Variants in TEKT5 observed in about 807,000 individuals in gnomAD.
TEKT5 encodes the protein tektin 5.
In TEKT5, 52 loss-of-function variants were observed where a neutral mutation model predicts 48.7. The ratio of observed to expected loss-of-function variants is 1.07; its 90% CI spans 0.86 to 1.35. The LOEUF (loss-of-function observed/expected upper bound fraction) is 1.35, where lower values mean the gene tolerates loss of function less well. Among genes scored for constraint, TEKT5 ranks in the 40% most tolerant of loss-of-function variants. TEKT5 has a pLI of 0.00. For synonymous variants in TEKT5, 318 were observed against 267.6 expected, an observed-to-expected ratio of 1.19 and a Z score of -1.84; for missense variants, 831 against 641.6, an observed-to-expected ratio of 1.30 and a Z score of -3.19.
intron 5 of TEKT5, among the ~76,000 whole-genome samples, chr16:10,660,090 A>T (rs1898336414): frequency 6.6e-6 from 1 of 152,176 alleles, no homozygotes; most frequent in African/African-American, 2.4e-5. Context: ...ACATTCTGAG[A>T]CATTAGGCAA....
intron 6 of TEKT5, among the ~76,000 whole-genome samples, chr16:10,631,352 TG>T (rs1223322576): frequency 1.4e-4 from 1 of 7,122 alleles, no homozygotes; most frequent in Non-Finnish European, 2.6e-4. Flanking sequence ...AGCCATGGGG[TG>T]GGGGCGGGGG....
At position 10,638,225 on chromosome 16, in the gene TEKT5, C is replaced by T. The variant is rs76340258; in HGVS notation, c.1087-2307G>A. 6.9e-3 allele frequency among the ~76,000 whole-genome samples: 1,058 copies of T among 152,294 alleles called. 14 individuals carry two copies. Among genetic ancestry groups the T allele is most frequent in the African/African-American group, 0.025 (1,023 of 41,542 alleles). On this transcript the variant is annotated intron_variant, in intron 5 of 6. Coordinates refer to ENST00000283025, the MANE Select transcript of TEKT5 (RefSeq NM_144674.2). ...GGCTCAAAAGCCTATGCATTTATTC[C>T]AGAAGGAAGCTGTCCTTGCACTTGG...
chr16:10,667,591 A>G (rs1207680971), intron 5 of TEKT5, among the ~76,000 whole-genome samples: 1 of 152,198 alleles, frequency 6.6e-6, no homozygotes, highest in African/African-American at 2.4e-5. Flanking sequence ...TGCCCAATTC[A>G]CGAATCATTC....
intron 5 of TEKT5, among the ~76,000 whole-genome samples, chr16:10,661,057 T>C (rs1111488): frequency 6.6e-6 from 1 of 152,108 alleles, no homozygotes; most frequent in Non-Finnish European, 1.5e-5. Flanking sequence ...AGTCTCAATA[T>C]ACAGCTTTAT....
intron 4 of TEKT5, among the ~76,000 whole-genome samples, chr16:10,680,549 C>A (rs1430630085): frequency 6.6e-6 from 1 of 151,844 alleles, no homozygotes; most frequent in Non-Finnish European, 1.5e-5. Context: ...AGACTACCAA[C>A]TGGGAAGCAT....
At chr16:10,627,856 T>A (rs996035176) in intron 6 of TEKT5, 57 bp from the exon 7 acceptor site, 187 of 1,520,376 alleles carry the variant, frequency 1.2e-4, no homozygotes, top group Non-Finnish European at 1.6e-4. Flanking sequence ...ATTTGTTTAT[T>A]TTTTGAGACA....
intron 5 of TEKT5, among the ~76,000 whole-genome samples, chr16:10,643,209 C>T (rs1320830931): frequency 1.3e-5 from 2 of 151,282 alleles, no homozygotes; most frequent in Non-Finnish European, 2.9e-5. Context: ...AGTGAGACCC[C>T]ATCTCTAAAA....
intron 5 of TEKT5, among the ~76,000 whole-genome samples, chr16:10,656,172 C>A (rs559645534): frequency 6.6e-6 from 1 of 152,194 alleles, no homozygotes; most frequent in Non-Finnish European, 1.5e-5. Flanking sequence ...AGTGTGACAA[C>A]CAAAATTATC....
At chr16:10,629,683 T>A (rs1193477079) in intron 6 of TEKT5, among the ~76,000 whole-genome samples, 4 of 152,158 alleles carry the variant, frequency 2.6e-5, no homozygotes, top group Non-Finnish European at 5.9e-5. Context: ...GGCTCACAGG[T>A]CCGCAGTTCT....
In TEKT5 at chr16:10,682,066, C is replaced by T; in HGVS notation, c.790G>A (p.Glu264Lys). The change falls in exon 4 of 7, where the codon GAG becomes AAG. Residue 264 changes from glutamate to lysine, a missense_variant. Transcript: ENST00000283025. ...EDKSSAQCID[E>K]KCFNLRNTSD... ...GTATTTCTCAGGTTAAAGCACTTCTCATCGATACACTGGGCCGAGCTTTTG... is the reference window on the plus strand; with the variant it reads ...GTATTTCTCAGGTTAAAGCACTTCTTATCGATACACTGGGCCGAGCTTTTG... 2 of 1,614,212 alleles carry T rather than the reference C, an allele frequency of 1.2e-6. No homozygotes were observed. The highest frequency in any genetic ancestry group is 1.3e-5 in the African/African-American group (1 of 75,056).
chr16:10,632,811 C>G (rs1275586707), intron 6 of TEKT5, among the ~76,000 whole-genome samples: 1 of 151,578 alleles, frequency 6.6e-6, no homozygotes, highest in Non-Finnish European at 1.5e-5. Context: ...ATCCTATCAT[C>G]TGCTCAATTC....
chr16:10,643,496 C>T (rs1023002301), intron 5 of TEKT5, among the ~76,000 whole-genome samples: 4 of 152,234 alleles, frequency 2.6e-5, no homozygotes, highest in Non-Finnish European at 1.5e-5. Flanking sequence ...ACATACTATT[C>T]ATGCTATAGC....
chr16:10,672,900 T>G (rs1037897247), intron 5 of TEKT5, among the ~76,000 whole-genome samples: 1 of 151,858 alleles, frequency 6.6e-6, no homozygotes, highest in African/African-American at 2.4e-5. Flanking sequence ...TTGTCCAGGT[T>G]GGATGGAGTG....
rs761952137 is a variant in TEKT5 at position 10,676,193 on chromosome 16, C to G, written c.864-12G>C. The G allele has an allele frequency of 6.2e-7, 1 of 1,613,838 alleles. No homozygotes were observed. The highest frequency in any genetic ancestry group is 8.5e-7 in the Non-Finnish European group (1 of 1,179,754). On this transcript the variant is annotated splice_polypyrimidine_tract_variant and intron_variant, in intron 4 of 6. Transcript: ENST00000283025. The stretch of plus-strand genomic sequence containing the variant: ...CAGGTACGGAGATCCTGCAAAGGCA[C>G]AAGGGTGAGTTGCAGCAGTCCTGGA...
At chr16:10,635,704 C>T (rs1897901581) in intron 6 of TEKT5, 60 bp downstream of exon 6, 1 of 1,578,292 alleles carries the variant, frequency 6.3e-7, no homozygotes, top group South Asian at 1.2e-5. Context: ...CTGAGACTCA[C>T]CCCTTCCCGT....
intron 5 of TEKT5, among the ~76,000 whole-genome samples, chr16:10,638,462 T>G (rs7203029): frequency 6.6e-6 from 1 of 152,108 alleles, no homozygotes; most frequent in Admixed American, 6.5e-5. Flanking sequence ...AATGGTGAGG[T>G]TGCATGTGCT....
In TEKT5 at chr16:10,662,570, T is replaced by C. The variant is rs146428807; in HGVS notation, c.1086+13389A>G. ...AAACTTCCTTCCAGCTCCTGCCTCT[T>C]TGCAGGCAGCCCCTTCTGTGCTGTG... is the stretch of plus-strand genomic sequence containing the variant. On this transcript the variant is annotated intron_variant, in intron 5 of 6. Transcript: ENST00000283025. Among the ~76,000 whole-genome samples, 368 of 152,344 alleles carry C rather than the reference T, an allele frequency of 2.4e-3. 2 individuals are homozygous for C. Among genetic ancestry groups the C allele is most frequent in the South Asian group, 0.014 (66 of 4,830 alleles).
Position 10,690,955 on chromosome 16 carries a change from T to C in TEKT5, c.565-930A>G, listed in dbSNP as rs369201618. 1.6e-4 allele frequency among the ~76,000 whole-genome samples: 25 copies of C among 152,304 alleles called. No homozygotes were observed. In the East Asian group the frequency reaches 4.8e-3, roughly 29 times the overall value. ...GGAGCCCCTTCTGTGAGACATGCTCTGCTGAGGTGCTGGGGATAGCACAAC... is the reference window on the plus strand; with the variant it reads ...GGAGCCCCTTCTGTGAGACATGCTCCGCTGAGGTGCTGGGGATAGCACAAC... On this transcript the variant is annotated intron_variant, in intron 1 of 6. Coordinates refer to ENST00000283025, the MANE Select transcript of TEKT5 (RefSeq NM_144674.2).
At chr16:10,662,331 G>T (rs567797975) in intron 5 of TEKT5, among the ~76,000 whole-genome samples, 4 of 152,206 alleles carry the variant, frequency 2.6e-5, no homozygotes, top group Non-Finnish European at 4.4e-5. Context: ...TTGTCATAAG[G>T]CTGGGTGGAG....
Sources: gnomAD v4.1 joint callset for allele counts (sites outside exome capture counted in the v4.1 genomes callset) on GRCh38, gnomAD v4.1.1 for gene constraint, MANE v1.5 for transcripts, NCBI Gene and HGNC (gene_info 2026-07-23, HGNC 2026-07-21) for gene names.